GRM7: variants seen among roughly 807,000 people sequenced by gnomAD.
The protein encoded by GRM7 is metabotropic glutamate receptor 7.
In GRM7, 35 loss-of-function variants were observed where a neutral mutation model predicts 84.5. That is an observed-to-expected ratio of 0.41 (90% CI 0.32 to 0.55). The LOEUF is 0.55. Ranked by LOEUF, GRM7 falls within the 20% of genes least tolerant of loss-of-function variation. The pLI is 0.19. For synonymous variants in GRM7, 487 were observed against 455.1 expected, an observed-to-expected ratio of 1.07 and a Z score of -0.89; for missense variants, 1,003 against 1,194.6, an observed-to-expected ratio of 0.84 and a Z score of 2.36.
chr3:7,530,035 G>A (rs1021791551), intron 7 of GRM7, among the ~76,000 whole-genome samples: 2 of 151,616 alleles, frequency 1.3e-5, no homozygotes, highest in African/African-American at 4.8e-5. Flanking sequence ...GTGGTTTGCA[G>A]CACCCATCAA....
chr3:7,277,851 A>G (rs962745696), intron 2 of GRM7, among the ~76,000 whole-genome samples: 3 of 152,122 alleles, frequency 2.0e-5, no homozygotes, highest in African/African-American at 7.2e-5. Flanking sequence ...TATAGCTATT[A>G]GCTAAGAAAG....
chr3:7,679,658 T>G (rs376822426), intron 8 of GRM7, among the ~76,000 whole-genome samples: 1 of 152,064 alleles, frequency 6.6e-6, no homozygotes, highest in Non-Finnish European at 1.5e-5. Flanking sequence ...AATCATGGAG[T>G]GTGAACCCTC....
chr3:6,882,479 C>G (rs1490775102), intron 1 of GRM7, among the ~76,000 whole-genome samples: 1 of 152,040 alleles, frequency 6.6e-6, no homozygotes, highest in Non-Finnish European at 1.5e-5. Flanking sequence ...CCAGGAGTTC[C>G]AGGCTGCCAT....
rs922045436 is a variant in GRM7 at position 7,151,473 on chromosome 3, A to C, written c.736+4805A>C. Among the ~76,000 whole-genome samples the C allele has an allele frequency of 1.3e-5, 2 of 152,064 alleles. No individual in the cohort carries two copies. Among genetic ancestry groups the C allele is most frequent in the Non-Finnish European group, 2.9e-5 (2 of 68,008 alleles). ...CCAGAGCTAGATGGATTTTCCTACT[A>C]TGGGATTTCAGAGCACTGTGTGCCT... On this transcript the variant is annotated intron_variant, in intron 2 of 9. Transcript: ENST00000357716. This position sits in a 1 kb window ranked among gnomAD's most constrained non-coding sequence, Gnocchi z 4.5.
At chr3:6,925,590 C>T (rs1697270145) in intron 1 of GRM7, among the ~76,000 whole-genome samples, 1 of 152,138 alleles carries the variant, frequency 6.6e-6, no homozygotes, top group South Asian at 2.1e-4. Context: ...GTCATCTCTT[C>T]TATCATCTCA....
chr3:7,610,130 G>T (rs2049783), intron 8 of GRM7, among the ~76,000 whole-genome samples: 20,417 of 152,070 alleles, frequency 0.13, 1,598 homozygotes, highest in Non-Finnish European at 0.18. Context: ...AGGGCGCTTG[G>T]AAGAATTCTT....
At chr3:6,882,405 G>C (rs576030782) in intron 1 of GRM7, among the ~76,000 whole-genome samples, 3 of 152,176 alleles carry the variant, frequency 2.0e-5, no homozygotes, top group African/African-American at 7.2e-5. Flanking sequence ...TATAAGCCAG[G>C]CATGGTAGCA....
At chr3:6,940,073 AC>A (rs1409741029) in intron 1 of GRM7, among the ~76,000 whole-genome samples, 2 of 152,052 alleles carry the variant, frequency 1.3e-5, no homozygotes, top group Admixed American at 1.3e-4. Context: ...CACTTTTGAA[AC>A]GTTTTTAATT....
chr3:7,512,226 A>G (rs566821321), intron 7 of GRM7, among the ~76,000 whole-genome samples: 1 of 152,316 alleles, frequency 6.6e-6, no homozygotes, highest in Non-Finnish European at 1.5e-5. Flanking sequence ...TTTCAGTGGC[A>G]AGCCTGTTTT....
At chr3:6,910,056 A>C (rs371581856) in intron 1 of GRM7, among the ~76,000 whole-genome samples, 36 of 152,132 alleles carry the variant, frequency 2.4e-4, no homozygotes, top group African/African-American at 8.4e-4. Flanking sequence ...CAGCTTCCTC[A>C]TTGGGGAGTT....
At chr3:7,597,172 C>T (rs1696089059) in intron 8 of GRM7, among the ~76,000 whole-genome samples, 1 of 152,108 alleles carries the variant, frequency 6.6e-6, no homozygotes, top group Admixed American at 6.5e-5. Context: ...TTTTCAATCA[C>T]AGTGGAAGAC....
chr3:7,578,581 A>G lies in GRM7; in HGVS notation c.1675A>G (p.Thr559Ala). The change falls in exon 8 of 10, where the codon ACA (threonine) becomes GCA (alanine). Residue 559 changes from threonine to alanine, a missense_variant. Physicochemically the swap from Thr to Ala is moderately conservative, Grantham distance 58. This residue lies in a region of GRM7 where 910 missense variants were observed against 1,126.0 expected (regional missense o/e 0.81). Transcript: ENST00000357716. ...DGYQYQFDEM[T>A]CQHCPYDQRP... is the part of the protein sequence containing the mutation. ...TTACCAGTACCAGTTTGATGAGATG[A>G]CATGCCAGCATTGCCCCTATGACCA... 1.2e-6 allele frequency: 2 copies of G among 1,614,088 alleles called. No individual in the cohort carries two copies. The highest frequency in any genetic ancestry group is 1.7e-6 in the Non-Finnish European group (2 of 1,180,004).
chr3:6,956,637 T>G (rs1354094334), intron 1 of GRM7: 1 of 456,732 alleles, frequency 2.2e-6, no homozygotes, highest in South Asian at 1.5e-5. Flanking sequence ...CAAGCTCATC[T>G]TTTCTGTGCA....
intron 1 of GRM7, among the ~76,000 whole-genome samples, chr3:6,973,858 A>C (rs763164214): frequency 5.0e-4 from 76 of 152,148 alleles, no homozygotes; most frequent in Non-Finnish European, 8.2e-4. Context: ...TATGGTAAGG[A>C]CTTGAGTTTT....
intron 1 of GRM7, among the ~76,000 whole-genome samples, chr3:7,105,852 A>C (rs1388769799): frequency 1.3e-5 from 2 of 151,862 alleles, no homozygotes; most frequent in East Asian, 1.9e-4. Flanking sequence ...TTGAATGTAC[A>C]CAATAATATG....
intron 1 of GRM7, among the ~76,000 whole-genome samples, chr3:6,937,799 A>G (rs1697742078): frequency 6.6e-6 from 1 of 152,222 alleles, no homozygotes; most frequent in Admixed American, 6.5e-5. Context: ...TCACAATGTA[A>G]TCATAAAAAC....
intron 1 of GRM7, chr3:6,892,550 A>T (rs561857372): frequency 1.3e-5 from 2 of 152,242 alleles, no homozygotes; most frequent in African/African-American, 4.8e-5. Flanking sequence ...AGGAAGGTAT[A>T]ATATATTCCT....
At chr3:6,943,427 A>G (rs1697957190) in intron 1 of GRM7, among the ~76,000 whole-genome samples, 1 of 152,004 alleles carries the variant, frequency 6.6e-6, no homozygotes, top group South Asian at 2.1e-4. Flanking sequence ...TGAAAATCCA[A>G]TTATTTCAGC....
chr3:7,336,555 AGAG>A (rs1364110238), intron 4 of GRM7, among the ~76,000 whole-genome samples: 1 of 152,106 alleles, frequency 6.6e-6, no homozygotes, highest in Non-Finnish European at 1.5e-5. Context: ...CAATTAGACA[AGAG>A]AAGGAAATAA....
Sources: allele counts gnomAD v4.1 joint callset (sites outside exome capture counted in the v4.1 genomes callset), GRCh38; gene constraint gnomAD v4.1.1; regional missense constraint gnomAD v4.1.1; non-coding constraint Gnocchi (gnomAD v3.1); transcripts MANE v1.5; gene names NCBI Gene and HGNC (gene_info 2026-07-23, HGNC 2026-07-21).